Variants in UNC13B observed in about 807,000 individuals in gnomAD.
UNC13B encodes unc-13 homolog B.
A neutral mutation model predicts 211.0 loss-of-function variants in UNC13B; 144 were observed. The ratio of observed to expected loss-of-function variants is 0.68; its 90% CI spans 0.60 to 0.78. UNC13B has a LOEUF of 0.78. UNC13B is among the 30% of genes least tolerant of loss of function. UNC13B has a pLI of 0.00. For synonymous variants in UNC13B, 709 were observed against 725.8 expected, an observed-to-expected ratio of 0.98 and a Z score of 0.37; for missense variants, 1,777 against 2,002.0, an observed-to-expected ratio of 0.89 and a Z score of 2.14.
chr9:35,192,136 A>G (rs1032980198), intron 1 of UNC13B, among the ~76,000 whole-genome samples: 23 of 152,208 alleles, frequency 1.5e-4, no homozygotes, highest in African/African-American at 5.5e-4. Flanking sequence ...ACTCTAAGCC[A>G]AGCATTTTTA....
At chr9:35,254,987 TA>T (rs1826759637) in intron 6 of UNC13B, among the ~76,000 whole-genome samples, 1 of 120,560 alleles carries the variant, frequency 8.3e-6, no homozygotes, top group African/African-American at 3.2e-5. Flanking sequence ...TTAATATATG[TA>T]TATATTATAT....
chr9:35,310,580 C>A lies in UNC13B; in HGVS notation c.9122C>A (p.Ser3041Ter). The A allele has an allele frequency of 6.2e-7, 1 of 1,614,048 alleles. No individual in the cohort carries two copies. ...EQDDDHRETD[S>*]IHSCHSSHSL... ...GATGACGACCATCGGGAGACGGACT[C>A]GATTCATTCTTGCCACAGCTCTCAC... Residue 3041 changes from serine (S) to a stop codon, truncating the protein, a stop_gained, in exon 10 of 40, where the codon TCG (serine) becomes TAG (stop). Coordinates refer to ENST00000635942, the MANE Select transcript of UNC13B (RefSeq NM_001371189.2). LOFTEE classifies it high-confidence loss of function.
intron 1 of UNC13B, among the ~76,000 whole-genome samples, chr9:35,168,986 C>T (rs1300989853): frequency 1.3e-5 from 2 of 152,070 alleles, no homozygotes; most frequent in Non-Finnish European, 2.9e-5. Flanking sequence ...ATTTTTAAAA[C>T]AGAACAAAAC....
At chr9:35,189,332 A>G (rs1822525395) in intron 1 of UNC13B, among the ~76,000 whole-genome samples, 1 of 152,196 alleles carries the variant, frequency 6.6e-6, no homozygotes, top group Admixed American at 6.5e-5. Flanking sequence ...GGACCCAGAC[A>G]GAAGTGCAGA....
chr9:35,274,862 T>C (rs74898156), intron 7 of UNC13B, among the ~76,000 whole-genome samples: 1 of 152,272 alleles, frequency 6.6e-6, no homozygotes, highest in Non-Finnish European at 1.5e-5. Context: ...ATAAAAGAGA[T>C]GTCCAGCTCC....
At chr9:35,249,992 T>G (rs1826362435) in intron 6 of UNC13B, among the ~76,000 whole-genome samples, 1 of 152,210 alleles carries the variant, frequency 6.6e-6, no homozygotes, top group Admixed American at 6.5e-5. Context: ...TACAGTTCAC[T>G]CATCTAAAGC....
In UNC13B at chr9:35,301,619, A is replaced by G; in HGVS notation, c.2215A>G (p.Asn739Asp). Residue 739 changes from asparagine to aspartate, a missense_variant, in exon 9 of 40, where the codon AAC becomes GAC. By Grantham distance (23) the Asn-to-Asp change is conservative. Coordinates refer to ENST00000635942, the MANE Select transcript of UNC13B (RefSeq NM_001371189.2). ...LSSQVTSEPS[N>D]LVSSASKNDE... is the part of the protein sequence containing the mutation. The stretch of plus-strand genomic sequence containing the variant: ...CTCCCAAGTAACCAGTGAACCTTCA[A>G]ACTTAGTTAGTTCTGCAAGTAAAAA... The G allele has an allele frequency of 2.5e-6, 1 of 398,918 alleles. No individual in the cohort carries two copies. Among genetic ancestry groups the G allele is most frequent in the Non-Finnish European group, 4.4e-6 (1 of 225,950 alleles). The allele number at this position is 398,918 out of a possible 1,614,324, so 24.7% of individuals were successfully genotyped here.
intron 1 of UNC13B, among the ~76,000 whole-genome samples, chr9:35,211,004 G>C (rs771194838): frequency 1.3e-5 from 2 of 152,106 alleles, no homozygotes; most frequent in Non-Finnish European, 2.9e-5. Context: ...CAAGTAGCTG[G>C]GACTACAGGA....
chr9:35,271,682 C>T (rs1827890763), intron 7 of UNC13B, among the ~76,000 whole-genome samples: 1 of 152,216 alleles, frequency 6.6e-6, no homozygotes, highest in Admixed American at 6.5e-5. Flanking sequence ...TGTTGCCATA[C>T]CAGTCTGACT....
intron 1 of UNC13B, among the ~76,000 whole-genome samples, chr9:35,221,704 A>G (rs1438154037): frequency 6.6e-6 from 1 of 152,196 alleles, no homozygotes; most frequent in East Asian, 1.9e-4. Flanking sequence ...TGCATTTTGC[A>G]TACAATTTAA....
intron 7 of UNC13B, among the ~76,000 whole-genome samples, chr9:35,277,105 T>A (rs748439521): frequency 1.6e-4 from 24 of 152,154 alleles, no homozygotes; most frequent in Non-Finnish European, 2.9e-4. Context: ...CTGTCTGATA[T>A]GTTAGGTACT....
chr9:35,339,097 C>A (rs994459278), intron 11 of UNC13B, among the ~76,000 whole-genome samples: 5 of 152,204 alleles, frequency 3.3e-5, no homozygotes, highest in Non-Finnish European at 5.9e-5. Context: ...GAGTTTCCAT[C>A]TTGACTCATC....
At position 35,300,847 on chromosome 9, in the gene UNC13B, T is replaced by C. The variant is rs1372029477; in HGVS notation, c.1443T>C (p.Asn481=). 2 of 398,836 alleles carry C rather than the reference T, an allele frequency of 5.0e-6. No individual in the cohort carries two copies. Among genetic ancestry groups the C allele is most frequent in the East Asian group, 3.6e-5 (1 of 28,082 alleles). 24.7% of individuals were successfully genotyped at this position (398,836 alleles called of 1,614,324 possible). A position where few individuals can be genotyped will look rare whatever the true frequency, so the allele number is the denominator to read the frequency against. ...EYLAEKEEEI[N]RFGSLSKTKK... The stretch of plus-strand genomic sequence containing the variant: ...TAGCAGAGAAGGAAGAGGAGATTAA[T>C]AGATTTGGTTCACTTTCAAAAACTA... Residue 481 remains asparagine (N), a synonymous_variant, in exon 9 of 40, where the codon AAT becomes AAC. Transcript: ENST00000635942.
chr9:35,296,190 C>T (rs185020546), intron 8 of UNC13B, among the ~76,000 whole-genome samples: 96 of 152,304 alleles, frequency 6.3e-4, no homozygotes, highest in Admixed American at 1.8e-3. Context: ...CTGATCAGGG[C>T]GATCCCACTT....
intron 7 of UNC13B, among the ~76,000 whole-genome samples, chr9:35,277,088 A>G (rs1454642010): frequency 1.3e-5 from 2 of 151,626 alleles, no homozygotes; most frequent in Non-Finnish European, 2.9e-5. Flanking sequence ...TTGGTTTCTT[A>G]GTTTTGCTGT....
intron 1 of UNC13B, among the ~76,000 whole-genome samples, chr9:35,199,969 T>G (rs1237595769): frequency 1.3e-5 from 2 of 152,232 alleles, no homozygotes; most frequent in African/African-American, 4.8e-5. Flanking sequence ...TTTTTATGAT[T>G]TTAGGTCTAA....
chr9:35,386,239 A>G lies in UNC13B; in HGVS notation c.11040A>G (p.Thr3680=), dbSNP rs150519290. ...KDCVKACLNS[T]YEYIFNNCHD... ...GTGTGAAGGCCTGTTTGAACTCCAC[A>G]TATGAATATATCTTCAACAACTGCC... Residue 3680 remains threonine, a synonymous_variant, in exon 24 of 40, where the codon ACA becomes ACG. Transcript: ENST00000635942. The G allele has an allele frequency of 4.3e-6, 7 of 1,614,062 alleles. No individual in the cohort carries two copies. Among genetic ancestry groups the G allele is most frequent in the South Asian group, 1.1e-5 (1 of 91,090 alleles).
At chr9:35,287,245 G>C (rs974756150) in intron 7 of UNC13B, among the ~76,000 whole-genome samples, 1 of 151,390 alleles carries the variant, frequency 6.6e-6, no homozygotes, top group African/African-American at 2.4e-5. Flanking sequence ...TGATTCTCCT[G>C]CCTCAGTCTC....
At chr9:35,217,776 G>A (rs1261215013) in intron 1 of UNC13B, among the ~76,000 whole-genome samples, 1 of 152,148 alleles carries the variant, frequency 6.6e-6, no homozygotes, top group Non-Finnish European at 1.5e-5. Context: ...GGGTGCGGTG[G>A]CTTACACCTA....
Sources: gnomAD v4.1 joint callset for allele counts (sites outside exome capture counted in the v4.1 genomes callset) on GRCh38, gnomAD v4.1.1 for gene constraint, MANE v1.5 for transcripts, NCBI Gene and HGNC (gene_info 2026-07-23, HGNC 2026-07-21) for gene names.